The following RNF213 variants were observed in gnomAD, a reference collection of about 807,000 sequenced individuals.
RNF213 encodes E3 ubiquitin-protein ligase RNF213.
Under a neutral mutation model 514.4 loss-of-function variants are expected in RNF213, and 341 were observed. The observed-to-expected ratio is 0.66, with a 90% confidence interval of 0.61 to 0.73. The LOEUF (loss-of-function observed/expected upper bound fraction) is 0.73. RNF213 is among the 30% of genes least tolerant of loss of function. RNF213 has a pLI of 0.00. For synonymous variants in RNF213, 2,655 were observed against 2,658.2 expected (o/e 1.00, Z 0.04); for missense variants, 5,767 against 6,615.6 (o/e 0.87, Z 4.45).
intron 5 of RNF213, 60 bp from the exon 6 acceptor site, chr17:80,289,592 GAAAAAAA>G: frequency 1.5e-6 from 2 of 1,308,426 alleles, no homozygotes; most frequent in South Asian, 1.3e-5. Context: ...CTCTGTCTCA[GAAAAAAA>G]AAAAAAAAAG....
At position 80,346,346 on chromosome 17, in the gene RNF213, G is replaced by A. The variant is rs746279111; in HGVS notation, c.8011G>A (p.Val2671Ile). Residue 2671 changes from valine to isoleucine, a missense_variant, in exon 29 of 68, where the codon GTC becomes ATC. Val to Ile is a conservative substitution (Grantham distance 29). This residue lies in a region of RNF213 where 1,377 missense variants were observed against 1,635.2 expected (regional missense o/e 0.84). Transcript: ENST00000582970. This position sits in a 1 kb window ranked among gnomAD's most constrained non-coding sequence, Gnocchi z 8.1. ...QLNAFLSKSSVSKNHTERDPV... is the reference protein window; with the variant it reads ...QLNAFLSKSSISKNHTERDPV... ...GAATGCCTTTCTCTCCAAGTCCAGC[G>A]TCAGCAAAAATCACACCGAGAGAGA... 3.7e-5 allele frequency: 59 copies of A among 1,613,548 alleles called. No individual in the cohort carries two copies. Among genetic ancestry groups the A allele is most frequent in the Middle Eastern group, 1.6e-4 (1 of 6,084 alleles).
Position 80,372,222 on chromosome 17 carries a change from G to A in RNF213, c.12537+237G>A, listed in dbSNP as rs1050742915. 2.3e-4 allele frequency among the ~76,000 whole-genome samples: 35 copies of A among 152,134 alleles called. 1 individual carries two copies. The highest frequency in any genetic ancestry group is 6.5e-4 in the Admixed American group (10 of 15,278). ...GAATATACTGCCAAAGTTAACAGTGGTTATCATTGAGTGGGGACATTATGG... is the reference window on the plus strand; with the variant it reads ...GAATATACTGCCAAAGTTAACAGTGATTATCATTGAGTGGGGACATTATGG... On this transcript the variant is annotated intron_variant, in intron 47 of 67. Coordinates refer to ENST00000582970, the MANE Select transcript of RNF213 (RefSeq NM_001256071.3).
At chr17:80,278,214 G>A (rs547242853) in intron 3 of RNF213, among the ~76,000 whole-genome samples, 1 of 152,366 alleles carries the variant, frequency 6.6e-6, no homozygotes, top group African/African-American at 2.4e-5. Context: ...CCTGCTGGGC[G>A]TCTTGCTGTG....
rs774096280 is a variant in RNF213 at position 80,346,851 on chromosome 17, C to T, written c.8516C>T (p.Ser2839Phe). ...QQGKDLQQYV[S>F]VVVLDEVGLA... Reference sequence around the variant, plus strand: ...GGGAAGGACCTGCAGCAGTACGTCTCTGTGGTGGTGTTAGATGAGGTGGGG... The same window carrying T: ...GGGAAGGACCTGCAGCAGTACGTCTTTGTGGTGGTGTTAGATGAGGTGGGG... The change falls in exon 29 of 68, where the codon TCT becomes TTT. Residue 2839 changes from serine to phenylalanine, a missense_variant. Physicochemically the swap from Ser to Phe is radical, Grantham distance 155. Coordinates refer to ENST00000582970, the MANE Select transcript of RNF213 (RefSeq NM_001256071.3). This position sits in a 1 kb window ranked among gnomAD's most constrained non-coding sequence, Gnocchi z 8.1. The T allele has an allele frequency of 6.2e-7, 1 of 1,614,150 alleles. No individual in the cohort carries two copies. The highest frequency in any genetic ancestry group is 8.5e-7 in the Non-Finnish European group (1 of 1,180,010).
At position 80,368,054 on chromosome 17, in the gene RNF213, G is replaced by C; in HGVS notation, c.12066G>C (p.Arg4022Ser). The C allele has an allele frequency of 6.2e-7, 1 of 1,614,244 alleles. No homozygotes were observed. Among genetic ancestry groups the C allele is most frequent in the Non-Finnish European group, 8.5e-7 (1 of 1,180,046 alleles). The change falls in exon 44 of 68, where the codon AGG becomes AGC. Residue 4022 changes from arginine to serine, a missense_variant. Coordinates refer to ENST00000582970, the MANE Select transcript of RNF213 (RefSeq NM_001256071.3). ...ACGTGCACTGCCTGCGCTGCCTCAG[G>C]GCCTGGTTTGCCTCAGAGCAGATGA... ...CDHVHCLRCL[R>S]AWFASEQMIC...
Position 80,344,781 on chromosome 17 carries a change from A to C in RNF213, c.6446A>C (p.Asp2149Ala). Residue 2149 changes from aspartate (D) to alanine (A), a missense_variant, in exon 29 of 68, where the codon GAC (aspartate) becomes GCC (alanine). Physicochemically the swap from Asp to Ala is moderately radical, Grantham distance 126. Around this residue, in one of 13 missense-constraint regions of RNF213, gnomAD observed 1,377 missense variants for 1,635.2 expected, o/e 0.84. Transcript: ENST00000582970. Reference protein sequence around the residue: ...IDMELSALRSDTEPGMDLWEF... With the variant: ...IDMELSALRSATEPGMDLWEF... ...ATGGAGCTGAGTGCCCTGAGGAGTG[A>C]CACAGAGCCTGGGATGGATCTGTGG... The C allele has an allele frequency of 6.2e-7, 1 of 1,614,180 alleles. No homozygotes were observed. The highest frequency in any genetic ancestry group is 1.1e-5 in the South Asian group (1 of 91,080).
intron 7 of RNF213, among the ~76,000 whole-genome samples, chr17:80,291,153 G>A (rs920607489): frequency 2.6e-5 from 4 of 152,036 alleles, no homozygotes; most frequent in Non-Finnish European, 5.9e-5. Flanking sequence ...CATTCTTCGG[G>A]TTCTGGAAGA....
chr17:80,374,755 T>C, intron 50 of RNF213, 166 bp downstream of exon 50: 2 of 750,782 alleles, frequency 2.7e-6, no homozygotes, highest in East Asian at 5.7e-5. Flanking sequence ...CGCACCTGGC[T>C]AGTGTGCGTG....
At chr17:80,308,969 G>A (rs184483981) in intron 13 of RNF213, 49 bp from the exon 14 acceptor site, 3 of 1,611,128 alleles carry the variant, frequency 1.9e-6, no homozygotes, top group South Asian at 2.2e-5. Flanking sequence ...CCATTTTCTG[G>A]CTTCTCCTAA....
intron 31 of RNF213, 51 bp from the exon 32 acceptor site, chr17:80,351,634 G>T: frequency 1.0e-6 from 1 of 972,712 alleles, no homozygotes; most frequent in Non-Finnish European, 1.6e-6. Context: ...GCTTGTTTTT[G>T]TGTGTGTGTT....
rs767401472 is a variant in RNF213, at chr17:80,389,114, G to A, written c.15001-59G>A. 177 of 1,506,160 alleles carry A rather than the reference G, an allele frequency of 1.2e-4. No individual in the cohort carries two copies. In the Admixed American group the frequency reaches 2.7e-3, roughly 23 times the overall value. 93.3% of individuals were successfully genotyped at this position (1,506,160 alleles called of 1,614,324 possible). A position where few individuals can be genotyped will look rare whatever the true frequency, so the allele number is the denominator to read the frequency against. ...TGAAGGGGCTCGGCTCTCTTACCAG[G>A]TGGTGAGATGCCAGAAACCCAGCCC... On this transcript the variant is annotated intron_variant, in intron 64 of 67. Coordinates refer to ENST00000582970, the MANE Select transcript of RNF213 (RefSeq NM_001256071.3).
Position 80,353,551 on chromosome 17 carries a change from C to A in RNF213, c.10463C>A (p.Ala3488Glu). 6.2e-7 allele frequency: 1 copy of A among 1,613,536 alleles called. No individual in the cohort carries two copies. Among genetic ancestry groups the A allele is most frequent in the Non-Finnish European group, 8.5e-7 (1 of 1,179,792 alleles). The change falls in exon 34 of 68, where the codon GCG (alanine) becomes GAG (glutamate). Residue 3488 changes from alanine to glutamate, a missense_variant. Ala to Glu is a moderately radical substitution (Grantham distance 107). Coordinates refer to ENST00000582970, the MANE Select transcript of RNF213 (RefSeq NM_001256071.3). The surrounding 1 kb of genome is among the most constrained non-coding windows in gnomAD (Gnocchi z 5.0). The stretch of plus-strand genomic sequence containing the variant: ...CGGGCGGAAGACGGCCATGAGGAGG[C>A]GATGGAGACGGAGGCCAGCACATCA... ...EHRAEDGHEE[A>E]METEASTSGE...
Position 80,287,952 on chromosome 17 carries a change from GC to G in RNF213, c.403del (p.His135ThrfsTer141). 1 of 1,570,608 alleles carries G rather than the reference GC, an allele frequency of 6.4e-7. No individual in the cohort carries two copies. The highest frequency in any genetic ancestry group is 8.6e-7 in the Non-Finnish European group (1 of 1,157,930). ...ACCCGTGGCCTCAGGACACAGCCCT[GC>G]CCCACAGCCAAGCCCAGCAGAGTGG... ...SNPWPQDTAL[P>X]HSQAQQSGPT... On this transcript the variant is annotated frameshift_variant, in exon 4 of 68. Coordinates refer to ENST00000582970, the MANE Select transcript of RNF213 (RefSeq NM_001256071.3). LOFTEE classifies it high-confidence loss of function.
chr17:80,386,633 G>A (rs1054239702), intron 62 of RNF213, 57 bp from the exon 63 acceptor site: 1 of 1,576,346 alleles, frequency 6.3e-7, no homozygotes, highest in African/African-American at 1.3e-5. Context: ...CTGCAACATA[G>A]AGCCCTAGGC....
chr17:80,379,546 C>T (rs2079900845), intron 54 of RNF213, 74 bp from the exon 55 acceptor site: 5 of 1,341,968 alleles, frequency 3.7e-6, no homozygotes, highest in Non-Finnish European at 4.3e-6. Flanking sequence ...AGGAGGTGTT[C>T]ATTTGCATGA....
intron 64 of RNF213, 129 bp from the exon 65 acceptor site, chr17:80,389,043 AG>A (rs1203811202): frequency 1.8e-5 from 15 of 853,328 alleles, no homozygotes; most frequent in Admixed American, 9.3e-5. Context: ...CGTGCGCCCA[AG>A]TGTCAGCTGT....
chr17:80,391,613 CAG>C (rs1462796745), intron 67 of RNF213, among the ~76,000 whole-genome samples: 2 of 152,064 alleles, frequency 1.3e-5, no homozygotes, highest in East Asian at 1.9e-4. Context: ...TTGCATAGAA[CAG>C]GGGTTCATCT....
intron 17 of RNF213, among the ~76,000 whole-genome samples, chr17:80,324,253 G>C (rs1264303991): frequency 6.6e-6 from 1 of 152,160 alleles, no homozygotes; most frequent in Non-Finnish European, 1.5e-5. Context: ...TCAGTTTGTG[G>C]AAGTTCCTTT....
At chr17:80,358,188 G>GT (rs1272779993) in intron 36 of RNF213, 100 bp from the exon 37 acceptor site, 10 of 975,394 alleles carry the variant, frequency 1.0e-5, no homozygotes, top group Non-Finnish European at 1.5e-5. Context: ...TAGACTAGTT[G>GT]TTTTGTTAAT....
Sources: allele counts gnomAD v4.1 joint callset (sites outside exome capture counted in the v4.1 genomes callset), GRCh38; gene constraint gnomAD v4.1.1; regional missense constraint gnomAD v4.1.1; non-coding constraint Gnocchi (gnomAD v3.1); transcripts MANE v1.5; gene names NCBI Gene and HGNC (gene_info 2026-07-23, HGNC 2026-07-21).